The following RAP1A variants were observed in gnomAD, a reference collection of about 807,000 sequenced individuals.
RAP1A encodes RAP1A, member of RAS oncogene family.
A neutral mutation model predicts 26.4 loss-of-function variants in RAP1A; 6 were observed. The observed-to-expected ratio is 0.23, with a 90% CI of 0.12 to 0.45. RAP1A has a LOEUF of 0.45. RAP1A is among the 20% of genes least tolerant of loss of function. The pLI, the probability that RAP1A is intolerant of heterozygous loss-of-function variation, is 0.99. For synonymous variants in RAP1A, 73 were observed against 79.4 expected, an observed-to-expected ratio of 0.92 and a Z score of 0.43; for missense variants, 121 against 217.2, an observed-to-expected ratio of 0.56 and a Z score of 2.78.
chr1:111,648,460 T>C (rs1660147816), intron 1 of RAP1A: 2 of 549,370 alleles, frequency 3.6e-6, no homozygotes, highest in South Asian at 3.3e-5. Context: ...TCTCAGCCTC[T>C]AGTTTGACCT....
At chr1:111,639,345 G>A (rs2763850) in intron 1 of RAP1A, among the ~76,000 whole-genome samples, 131,552 of 151,494 alleles carry the variant, frequency 0.87, 57,348 homozygotes, top group African/African-American at 0.92. Context: ...TTAAGAGTCT[G>A]GTGTTTTGGC....
chr1:111,649,232 C>T, intron 1 of RAP1A: 1 of 485,976 alleles, frequency 2.1e-6, no homozygotes, highest in Non-Finnish European at 4.0e-6. Context: ...CCTTCTTCTC[C>T]AGGTGCTCCT....
At chr1:111,655,767 G>A (rs962681661) in intron 1 of RAP1A, among the ~76,000 whole-genome samples, 1 of 145,918 alleles carries the variant, frequency 6.9e-6, no homozygotes, top group Non-Finnish European at 1.5e-5. Flanking sequence ...TCCGTCTCCT[G>A]GGTTCACAGC....
intron 1 of RAP1A, among the ~76,000 whole-genome samples, chr1:111,587,945 G>A (rs1658409034): frequency 6.6e-6 from 1 of 151,896 alleles, no homozygotes; most frequent in South Asian, 2.1e-4. Context: ...CAGAAAAAAA[G>A]TTTTTGCTTT....
At chr1:111,563,533 G>C (rs1396087208) in intron 1 of RAP1A, among the ~76,000 whole-genome samples, 1 of 152,166 alleles carries the variant, frequency 6.6e-6, no homozygotes, top group Non-Finnish European at 1.5e-5. Flanking sequence ...CAAGAGCCCT[G>C]AGTTATATAC....
At chr1:111,699,830 C>A (rs926728958) in intron 4 of RAP1A, among the ~76,000 whole-genome samples, 3 of 152,048 alleles carry the variant, frequency 2.0e-5, no homozygotes, top group Admixed American at 6.6e-5. Flanking sequence ...ATCCTAACAT[C>A]TTTTTATTAT....
chr1:111,664,089 A>G (rs1205444503), intron 1 of RAP1A, among the ~76,000 whole-genome samples: 2 of 151,160 alleles, frequency 1.3e-5, no homozygotes, highest in Non-Finnish European at 1.5e-5. Flanking sequence ...AAAACCATAT[A>G]TGGGCCAGGC....
At chr1:111,610,324 A>G (rs534453512) in intron 1 of RAP1A, among the ~76,000 whole-genome samples, 2 of 152,282 alleles carry the variant, frequency 1.3e-5, no homozygotes, top group South Asian at 4.1e-4. Context: ...TGAGGTCATA[A>G]TTTCTGAATC....
intron 1 of RAP1A, among the ~76,000 whole-genome samples, chr1:111,573,101 A>G (rs1458694875): frequency 2.0e-5 from 3 of 152,244 alleles, no homozygotes; most frequent in Non-Finnish European, 4.4e-5. Context: ...ATGGTTGCAT[A>G]GTATTCCATG....
At chr1:111,663,537 C>T (rs1660701643) in intron 1 of RAP1A, among the ~76,000 whole-genome samples, 1 of 152,212 alleles carries the variant, frequency 6.6e-6, no homozygotes, top group African/African-American at 2.4e-5. Flanking sequence ...GCTACATATG[C>T]ATTATCTAAT....
At chr1:111,693,788 C>T (rs749462622) in intron 2 of RAP1A, among the ~76,000 whole-genome samples, 8 of 152,002 alleles carry the variant, frequency 5.3e-5, no homozygotes, top group Non-Finnish European at 1.0e-4. Context: ...TAGAATACAT[C>T]TTAGTATTGT....
rs78636433 is a variant in RAP1A, at chr1:111,543,538, C to T, written c.-28+1029C>T. ...TGTTAACACAATCCTTTCTGGGTGT[C>T]TTAATGCTTTGAGAAAATGAACAGT... On this transcript the variant is annotated intron_variant, in intron 1 of 7. Coordinates refer to the RAP1A transcript ENST00000356415. Among the ~76,000 whole-genome samples the T allele has an allele frequency of 1.7e-3, 263 of 152,184 alleles. 6 individuals carry two copies. The East Asian group carries it at 0.045, about 26-fold the overall frequency.
At position 111,582,284 on chromosome 1, in the gene RAP1A, C is replaced by T. The variant is rs144443251; in HGVS notation, c.-28+39775C>T. ...AGGGCAGGGCAGGGGCAGAGGTGGACCACAAGGGGTGGAGAAGTACCATGG... is the reference window on the plus strand; with the variant it reads ...AGGGCAGGGCAGGGGCAGAGGTGGATCACAAGGGGTGGAGAAGTACCATGG... On this transcript the variant is annotated intron_variant, in intron 1 of 7. Coordinates refer to the RAP1A transcript ENST00000356415. Among the ~76,000 whole-genome samples, 452 of 152,214 alleles carry T rather than the reference C, an allele frequency of 3.0e-3. 1 individual carries two copies. Among genetic ancestry groups the T allele is most frequent in the Non-Finnish European group, 4.2e-3 (286 of 68,016 alleles).
chr1:111,615,196 C>A (rs61788237), upstream of RAP1A, among the ~76,000 whole-genome samples: 1 of 151,888 alleles, frequency 6.6e-6, no homozygotes, highest in Non-Finnish European at 1.5e-5. Flanking sequence ...TGGGCAAGTG[C>A]CAGATTGAGC....
At chr1:111,598,589 T>C (rs1350603081) in intron 1 of RAP1A, among the ~76,000 whole-genome samples, 1 of 152,058 alleles carries the variant, frequency 6.6e-6, no homozygotes, top group African/African-American at 2.4e-5. Context: ...AGTGTGAAAG[T>C]AGAAAAATTC....
intron 1 of RAP1A, among the ~76,000 whole-genome samples, chr1:111,656,683 T>A (rs1660470775): frequency 6.6e-6 from 1 of 152,166 alleles, no homozygotes; most frequent in Admixed American, 6.5e-5. Context: ...AAATATTTTC[T>A]TCTCTTTATC....
chr1:111,614,346 TG>T (rs1177502494), intron 1 of RAP1A, among the ~76,000 whole-genome samples: 8 of 152,234 alleles, frequency 5.3e-5, no homozygotes, highest in Non-Finnish European at 8.8e-5. Flanking sequence ...TTCCTGCCTT[TG>T]TATCCTTAGC....
At chr1:111,649,543 C>CTTTTTT in intron 1 of RAP1A, 2 of 262,132 alleles carry the variant, frequency 7.6e-6, no homozygotes, top group Non-Finnish European at 1.5e-5. Flanking sequence ...AGTGGTAAAG[C>CTTTTTT]TCATGCTCTC....
At chr1:111,551,185 A>T (rs1467221533) in intron 1 of RAP1A, among the ~76,000 whole-genome samples, 1 of 151,924 alleles carries the variant, frequency 6.6e-6, no homozygotes, top group Non-Finnish European at 1.5e-5. Context: ...TTTTTTTTGA[A>T]ATTCATTCTT....
Sources: gnomAD v4.1 joint callset for allele counts (sites outside exome capture counted in the v4.1 genomes callset) on GRCh38, gnomAD v4.1.1 for gene constraint, MANE v1.5 for transcripts, NCBI Gene and HGNC (gene_info 2026-07-23, HGNC 2026-07-21) for gene names.